The following SIDT1 variants were observed in gnomAD, a reference collection of about 807,000 sequenced individuals.
SIDT1 encodes SID1 transmembrane family, member 1.
SIDT1 carries 101 observed loss-of-function variants against 107.5 expected under a neutral mutation model. That is an observed-to-expected ratio of 0.94 (90% CI 0.80 to 1.11). SIDT1 has a LOEUF of 1.11. SIDT1 is among the 50% of genes least tolerant of loss of function. SIDT1 has a pLI of 0.00. For synonymous variants in SIDT1, 395 were observed against 398.2 expected, an observed-to-expected ratio of 0.99 and a Z score of 0.10; for missense variants, 1,076 against 1,058.2, an observed-to-expected ratio of 1.02 and a Z score of -0.23.
intron 3 of SIDT1, among the ~76,000 whole-genome samples, chr3:113,575,607 A>G (rs1045891346): frequency 6.6e-5 from 10 of 152,232 alleles, no homozygotes; most frequent in African/African-American, 2.4e-4. Flanking sequence ...ATATATAAAA[A>G]TTACATCTAT....
At chr3:113,604,859 C>T in intron 13 of SIDT1, 51 bp from the exon 14 acceptor site, 2 of 1,592,864 alleles carry the variant, frequency 1.3e-6, no homozygotes, top group Non-Finnish European at 1.7e-6. Context: ...TAACCAAAGA[C>T]TCCACTGTTC....
intron 3 of SIDT1, among the ~76,000 whole-genome samples, chr3:113,568,456 C>T (rs919023075): frequency 9.9e-5 from 15 of 151,566 alleles, no homozygotes; most frequent in Admixed American, 3.3e-4. Flanking sequence ...TAGCCAGGCA[C>T]GGTGGCGGGC....
At chr3:113,592,452 C>T (rs934708038) in intron 9 of SIDT1, among the ~76,000 whole-genome samples, 1 of 152,106 alleles carries the variant, frequency 6.6e-6, no homozygotes, top group African/African-American at 2.4e-5. Context: ...TATGGTAACT[C>T]TTTAACTTTT....
chr3:113,600,897 G>T (rs1944914374), intron 10 of SIDT1, among the ~76,000 whole-genome samples: 1 of 152,190 alleles, frequency 6.6e-6, no homozygotes, highest in African/African-American at 2.4e-5. Context: ...CCTAGTAACA[G>T]TGCCAGGGAG....
intron 1 of SIDT1, among the ~76,000 whole-genome samples, chr3:113,537,452 T>G (rs1179884821): frequency 1.3e-5 from 2 of 152,184 alleles, no homozygotes; most frequent in African/African-American, 4.8e-5. Context: ...ATGGAAGAAT[T>G]TAAAACTTTG....
chr3:113,571,446 C>G (rs527644982), intron 3 of SIDT1, among the ~76,000 whole-genome samples: 9 of 149,288 alleles, frequency 6.0e-5, no homozygotes, highest in Non-Finnish European at 1.3e-4. Flanking sequence ...TGAAACAACT[C>G]TACTTTAAAG....
chr3:113,628,023 C>A lies in SIDT1; in HGVS notation c.*315C>A. The A allele has an allele frequency of 2.9e-6, 1 of 344,658 alleles. No individual in the cohort carries two copies. Among genetic ancestry groups the A allele is most frequent in the Non-Finnish European group, 5.4e-6 (1 of 185,228 alleles). The allele number at this position is 344,658 out of a possible 1,614,324, so 21.3% of individuals were successfully genotyped here. ...TCAACTCACCATCTTGGGGTCCCTC[C>A]CACCCTCACGGAGACTTGCCAGCAA... On this transcript the variant is annotated 3_prime_UTR_variant, in exon 25 of 25. Transcript: ENST00000264852.
intron 10 of SIDT1, 123 bp from the exon 11 acceptor site, chr3:113,601,465 A>G (rs9829719): frequency 0.088 from 58,743 of 669,496 alleles, 2,906 homozygotes; most frequent in East Asian, 0.16. Context: ...TGACTCCTGT[A>G]TTAGTGTAAA....
chr3:113,550,939 AATG>A (rs1282104979), intron 1 of SIDT1, among the ~76,000 whole-genome samples: 3 of 152,020 alleles, frequency 2.0e-5, no homozygotes, highest in African/African-American at 7.2e-5. Context: ...AGCAGGCCCC[AATG>A]TGTGTTGCTC....
intron 1 of SIDT1, among the ~76,000 whole-genome samples, chr3:113,539,084 T>G (rs566200668): frequency 3.3e-5 from 5 of 152,334 alleles, no homozygotes; most frequent in Admixed American, 2.6e-4. Context: ...TTGGTTACCT[T>G]AAGCTATCGT....
rs148526756 is a variant in SIDT1 at position 113,609,219 on chromosome 3, C to T, written c.1720+683C>T. Among the ~76,000 whole-genome samples the T allele has an allele frequency of 7.7e-3, 1,171 of 151,924 alleles. 15 individuals carry two copies. The highest frequency in any genetic ancestry group is 0.027 in the African/African-American group (1,119 of 41,430). On this transcript the variant is annotated intron_variant, in intron 17 of 24. Coordinates refer to ENST00000264852, the MANE Select transcript of SIDT1 (RefSeq NM_017699.3). ...CTGGGACTACTGGTGCGCACCACCA[C>T]GCCCAGCTAATTTTTGTATTTTTTT... is the stretch of plus-strand genomic sequence containing the variant.
chr3:113,606,909 C>G lies in SIDT1; in HGVS notation c.1405-132C>G, dbSNP rs1008522697. ...GGTGGCAGATAATGGCCCATCTGTG[C>G]AGAGGAGCACTGGTTACATTGTAAA... On this transcript the variant is annotated intron_variant, in intron 14 of 24. Coordinates refer to ENST00000264852, the MANE Select transcript of SIDT1 (RefSeq NM_017699.3). 57 of 653,204 alleles carry G rather than the reference C, an allele frequency of 8.7e-5. No individual in the cohort carries two copies. The East Asian group carries it at 1.5e-3, about 17-fold the overall frequency. 40.5% of individuals were successfully genotyped at this position (653,204 alleles called of 1,614,324 possible). A position where few individuals can be genotyped will look rare whatever the true frequency, so the allele number is the denominator to read the frequency against.
chr3:113,580,563 C>A, intron 4 of SIDT1, 45 bp from the exon 5 acceptor site: 1 of 1,214,644 alleles, frequency 8.2e-7, no homozygotes, highest in Admixed American at 1.7e-5. Context: ...GAAACAATCC[C>A]ATTCATGTAA....
At chr3:113,574,975 T>C (rs1942786395) in intron 3 of SIDT1, among the ~76,000 whole-genome samples, 1 of 152,172 alleles carries the variant, frequency 6.6e-6, no homozygotes, top group African/African-American at 2.4e-5. Flanking sequence ...GGAAGCAGAA[T>C]ATTTCATCTG....
intron 10 of SIDT1, among the ~76,000 whole-genome samples, chr3:113,594,423 A>C (rs1944396335): frequency 6.6e-6 from 1 of 152,134 alleles, no homozygotes; most frequent in Admixed American, 6.5e-5. Flanking sequence ...TTGTGCCTCC[A>C]AGTTTTGTGA....
chr3:113,563,895 CTG>C (rs1239072252), intron 1 of SIDT1, among the ~76,000 whole-genome samples: 5 of 151,886 alleles, frequency 3.3e-5, no homozygotes, highest in Admixed American at 3.3e-4. Context: ...ATAGACTGAA[CTG>C]TGGTGCAGAT....
chr3:113,592,875 C>T (rs761474830), intron 9 of SIDT1, 130 bp from the exon 10 acceptor site: 22 of 772,206 alleles, frequency 2.8e-5, no homozygotes, highest in Middle Eastern at 2.3e-4. Context: ...TGTGTGCCAC[C>T]GCACCTGGCC....
At chr3:113,552,070 T>G (rs889499468) in intron 1 of SIDT1, among the ~76,000 whole-genome samples, 1 of 152,190 alleles carries the variant, frequency 6.6e-6, no homozygotes, top group Non-Finnish European at 1.5e-5. Flanking sequence ...ACTGCCCTTT[T>G]GTGAACAACG....
intron 10 of SIDT1, among the ~76,000 whole-genome samples, chr3:113,594,524 G>A (rs959288272): frequency 1.3e-5 from 2 of 152,140 alleles, no homozygotes; most frequent in East Asian, 1.9e-4. Flanking sequence ...ATTTTTTATA[G>A]TATGAGTGAA....
Sources: gnomAD v4.1 joint callset for allele counts (sites outside exome capture counted in the v4.1 genomes callset) on GRCh38, gnomAD v4.1.1 for gene constraint, MANE v1.5 for transcripts, NCBI Gene and HGNC (gene_info 2026-07-23, HGNC 2026-07-21) for gene names.